Variants in CCDC171 observed in about 807,000 individuals in gnomAD.
CCDC171 encodes the protein coiled-coil domain containing 171.
CCDC171 carries 177 observed loss-of-function variants against 168.2 expected under a neutral mutation model. The observed-to-expected ratio is 1.05, with a 90% CI of 0.93 to 1.19. The LOEUF (loss-of-function observed/expected upper bound fraction) is 1.19, where lower values mean the gene tolerates loss of function less well. CCDC171 is among the 50% of genes most tolerant of loss of function. The probability of loss-of-function intolerance (pLI) is 0.00; values close to 1 mark genes in which losing one functional copy is unlikely to be tolerated. For synonymous variants in CCDC171, 687 were observed against 540.8 expected (o/e 1.27, Z -3.75); for missense variants, 1,991 against 1,539.0 (o/e 1.29, Z -4.91).
At chr9:16,038,055 AT>A (rs946424368), upstream of CCDC171, among the ~76,000 whole-genome samples, 1 of 152,038 alleles carries the variant, frequency 6.6e-6, no homozygotes, top group Non-Finnish European at 1.5e-5. Context: ...AGCAATGAAG[AT>A]TTTTTTTGTA....
chr9:15,678,690 T>C, intron 9 of CCDC171, 68 bp from the exon 10 acceptor site: 1 of 1,324,442 alleles, frequency 7.6e-7, no homozygotes, highest in South Asian at 1.5e-5. Context: ...CCATATGTAT[T>C]AAAGGTGTGT....
chr9:15,723,737 AAATATAAAGGTATTATTTAGAAT>A lies in CCDC171; in HGVS notation c.1485_1491+16del. ...AACAGAAGATAGACTCTCACACTAA[AAATATAAAGGTATTATTTAGAAT>A]AACTTTTACCTTTTGTATTAAGAAA... is the stretch of plus-strand genomic sequence containing the variant. On this transcript the variant is annotated splice_donor_variant and splice_donor_5th_base_variant and coding_sequence_variant and intron_variant, in exon 13 of 26. Transcript: ENST00000380701. LOFTEE classifies it high-confidence loss of function. 2 of 1,484,522 alleles carry A rather than the reference AAATATAAAGGTATTATTTAGAAT, an allele frequency of 1.3e-6. No individual in the cohort carries two copies. Among genetic ancestry groups the A allele is most frequent in the Non-Finnish European group, 1.9e-6 (2 of 1,071,578 alleles). 92.0% of individuals were successfully genotyped at this position (1,484,522 alleles called of 1,614,324 possible).
chr9:15,562,051 G>C (rs1412035486), intron 1 of CCDC171, among the ~76,000 whole-genome samples: 2 of 151,880 alleles, frequency 1.3e-5, no homozygotes, highest in Admixed American at 1.3e-4. Context: ...CTGGAGTGCA[G>C]TGGCGCAATC....
At chr9:16,096,403 C>G in the CCDC171 span, among the ~76,000 whole-genome samples, 2 of 152,152 alleles carry the variant, frequency 1.3e-5, no homozygotes, top group African/African-American at 4.8e-5. Flanking sequence ...GTGGTGAGTC[C>G]AGACCCAAAA....
At chr9:16,103,640 C>G in the CCDC171 span, among the ~76,000 whole-genome samples, 4 of 152,216 alleles carry the variant, frequency 2.6e-5, no homozygotes, top group Non-Finnish European at 5.9e-5. Flanking sequence ...CCTTCTGTGG[C>G]TGGGGGCTCC....
chr9:16,085,965 G>A, the CCDC171 span, among the ~76,000 whole-genome samples: 1 of 152,136 alleles, frequency 6.6e-6, no homozygotes, highest in East Asian at 1.9e-4. Context: ...GTATAAGGAT[G>A]ATGCTGGTCT....
chr9:15,615,071 A>C (rs902982091), intron 6 of CCDC171, among the ~76,000 whole-genome samples: 1 of 152,202 alleles, frequency 6.6e-6, no homozygotes, highest in Non-Finnish European at 1.5e-5. Context: ...GGATAGAAGA[A>C]AAGATAATTA....
chr9:15,771,482 C>A (rs541578799), intron 18 of CCDC171, among the ~76,000 whole-genome samples: 3 of 152,224 alleles, frequency 2.0e-5, no homozygotes, highest in East Asian at 3.9e-4. Flanking sequence ...TCATATTCTA[C>A]AAATGATCAT....
At chr9:15,747,102 G>A (rs1191525932) in intron 18 of CCDC171, among the ~76,000 whole-genome samples, 1 of 152,212 alleles carries the variant, frequency 6.6e-6, no homozygotes. Context: ...CAAGGCTTGA[G>A]TAGGTGGTTT....
intron 21 of CCDC171, among the ~76,000 whole-genome samples, chr9:15,802,865 T>A (rs1409652531): frequency 1.3e-5 from 2 of 152,148 alleles, no homozygotes; most frequent in East Asian, 3.8e-4. Context: ...TAATTTACAC[T>A]CCCAGCAACA....
At position 15,819,452 on chromosome 9, in the gene CCDC171, G is replaced by C. The variant is rs57083666; in HGVS notation, c.3268-27250G>C. Among the ~76,000 whole-genome samples, 134 of 116,404 alleles carry C rather than the reference G, an allele frequency of 1.2e-3. 41 individuals carry two copies. Among genetic ancestry groups the C allele is most frequent in the African/African-American group, 4.3e-3 (130 of 30,580 alleles). The allele number at this position is 116,404 out of a possible 152,430, so 76.4% of individuals were successfully genotyped here. A position where few individuals can be genotyped will look rare whatever the true frequency, so the allele number is the denominator to read the frequency against. The stretch of plus-strand genomic sequence containing the variant: ...GCTGTATTCAGGAAACCCATCTCAC[G>C]TGCAGAGACACCCATAGACTCAAAA... On this transcript the variant is annotated intron_variant, in intron 21 of 25. Transcript: ENST00000380701.
At chr9:15,893,222 G>A (rs554798955) in intron 24 of CCDC171, among the ~76,000 whole-genome samples, 141 of 152,232 alleles carry the variant, frequency 9.3e-4, no homozygotes, top group Non-Finnish European at 1.6e-3. Context: ...GGAAGAACTG[G>A]CTAGCCATAT....
At chr9:15,936,663 A>T (rs1827155256) in intron 25 of CCDC171, among the ~76,000 whole-genome samples, 1 of 152,070 alleles carries the variant, frequency 6.6e-6, no homozygotes, top group East Asian at 1.9e-4. Context: ...ACCTGAAATT[A>T]AACGAGGACC....
intron 7 of CCDC171, among the ~76,000 whole-genome samples, chr9:15,646,709 A>G (rs2047069057): frequency 6.6e-6 from 1 of 152,204 alleles, no homozygotes; most frequent in Non-Finnish European, 1.5e-5. Flanking sequence ...AACTATCCTA[A>G]ATATATATGC....
At chr9:15,632,427 T>A (rs1025798192) in intron 7 of CCDC171, among the ~76,000 whole-genome samples, 1 of 151,810 alleles carries the variant, frequency 6.6e-6, no homozygotes, top group Admixed American at 6.6e-5. Flanking sequence ...CACAATTGCT[T>A]CAAAGAGAAT....
chr9:15,696,873 A>G (rs375621361), intron 11 of CCDC171, among the ~76,000 whole-genome samples: 6 of 152,232 alleles, frequency 3.9e-5, no homozygotes, highest in African/African-American at 1.4e-4. Context: ...ATAGATGCAT[A>G]CTTTGTGTAT....
At chr9:15,953,577 C>T (rs2225182) in intron 25 of CCDC171, among the ~76,000 whole-genome samples, 2 of 151,968 alleles carry the variant, frequency 1.3e-5, no homozygotes, top group South Asian at 2.1e-4. Flanking sequence ...AATTCAGTTG[C>T]TTGTATTTTG....
chr9:15,791,876 A>C (rs939650483), intron 21 of CCDC171, among the ~76,000 whole-genome samples: 3 of 152,224 alleles, frequency 2.0e-5, no homozygotes, highest in Admixed American at 1.3e-4. Flanking sequence ...GATAGGGAAA[A>C]AACAGAGCAG....
At chr9:15,683,609 G>A (rs138865669) in intron 10 of CCDC171, among the ~76,000 whole-genome samples, 21 of 152,046 alleles carry the variant, frequency 1.4e-4, no homozygotes, top group South Asian at 6.2e-4. Flanking sequence ...TATTCATCGC[G>A]TAAGTGTCTT....
Sources: allele counts gnomAD v4.1 joint callset (sites outside exome capture counted in the v4.1 genomes callset), GRCh38; gene constraint gnomAD v4.1.1; transcripts MANE v1.5; gene names NCBI Gene and HGNC (gene_info 2026-07-23, HGNC 2026-07-21).